The following ASIC2 variants were observed in gnomAD, a reference collection of about 807,000 sequenced individuals.
ASIC2 encodes acid-sensing ion channel 2.
ASIC2 carries 25 observed loss-of-function variants against 57.3 expected under a neutral mutation model. The observed-to-expected ratio is 0.44, with a 90% confidence interval of 0.32 to 0.61. ASIC2 has a LOEUF of 0.61. Among genes scored for constraint, ASIC2 ranks in the 20% least tolerant of loss-of-function variants. The pLI is 0.06. For missense variants in ASIC2, 641 were observed against 738.1 expected (o/e 0.87, Z 1.52); for synonymous variants, 319 against 307.5 (o/e 1.04, Z -0.39).
At chr17:33,609,278 G>A (rs1265528720) in intron 1 of ASIC2, among the ~76,000 whole-genome samples, 3 of 152,132 alleles carry the variant, frequency 2.0e-5, no homozygotes, top group African/African-American at 7.2e-5. Flanking sequence ...GACACTGACG[G>A]CTTCCCAATG....
intron 3 of ASIC2, among the ~76,000 whole-genome samples, chr17:33,065,458 C>T (rs1456222965): frequency 6.6e-6 from 1 of 152,128 alleles, no homozygotes; most frequent in African/African-American, 2.4e-5. Flanking sequence ...TACAGGTGCA[C>T]ACCACCACAT....
chr17:34,069,296 T>C (rs1909296430), intron 1 of ASIC2: 1 of 120,966 alleles, frequency 8.3e-6, no homozygotes, highest in African/African-American at 3.7e-5. Flanking sequence ...CTTTCTTTCC[T>C]TCTTCCTTCC....
At chr17:33,639,322 T>C (rs771263676) in intron 1 of ASIC2, among the ~76,000 whole-genome samples, 38 of 152,214 alleles carry the variant, frequency 2.5e-4, no homozygotes, top group Non-Finnish European at 4.1e-4. Flanking sequence ...CTCTCCTGGG[T>C]CTCTGCAATC....
chr17:33,032,250 T>C (rs555586399), intron 3 of ASIC2, among the ~76,000 whole-genome samples: 1 of 152,296 alleles, frequency 6.6e-6, no homozygotes, highest in South Asian at 2.1e-4. Flanking sequence ...CATTCTGTTT[T>C]CTCCATTGAG....
intron 1 of ASIC2, among the ~76,000 whole-genome samples, chr17:33,942,997 G>A (rs375305044): frequency 6.6e-6 from 1 of 152,114 alleles, no homozygotes; most frequent in Non-Finnish European, 1.5e-5. Context: ...TGTAAGTTCC[G>A]ACCTTTTATC....
chr17:33,116,110 A>G (rs2092279867), intron 1 of ASIC2, among the ~76,000 whole-genome samples: 1 of 152,220 alleles, frequency 6.6e-6, no homozygotes, highest in Non-Finnish European at 1.5e-5. Context: ...GACTGGGGAC[A>G]GTTTACCTTC....
At chr17:33,363,358 C>G (rs1908684668) in intron 1 of ASIC2, among the ~76,000 whole-genome samples, 1 of 152,196 alleles carries the variant, frequency 6.6e-6, no homozygotes, top group South Asian at 2.1e-4. Flanking sequence ...CCTGCAAAAG[C>G]AAGTTCAAGG....
intron 1 of ASIC2, among the ~76,000 whole-genome samples, chr17:33,620,827 T>C (rs1905769251): frequency 6.6e-6 from 1 of 152,122 alleles, no homozygotes; most frequent in African/African-American, 2.4e-5. Flanking sequence ...CTTTTATCCA[T>C]CTTGTGAATC....
At position 33,259,501 on chromosome 17, in the gene ASIC2, C is replaced by T. The variant is rs531638943; in HGVS notation, c.708+31907G>A. Among the ~76,000 whole-genome samples, 15 of 152,080 alleles carry T rather than the reference C, an allele frequency of 9.9e-5. No individual in the cohort carries two copies. In the South Asian group the frequency reaches 3.1e-3, roughly 32 times the overall value. On this transcript the variant is annotated intron_variant, in intron 1 of 9. Coordinates refer to ENST00000225823, the MANE Select transcript of ASIC2 (RefSeq NM_183377.2). ...CCGCCCATTCCTCAAATGTAGGGCT[C>T]ACCAGACAAGGTGTGCATATCATTG...
intron 1 of ASIC2, among the ~76,000 whole-genome samples, chr17:34,015,368 C>G (rs992789630): frequency 2.0e-5 from 3 of 152,222 alleles, no homozygotes; most frequent in Non-Finnish European, 2.9e-5. Context: ...TAGTTCACAG[C>G]TGAATTCCAC....
intron 1 of ASIC2, among the ~76,000 whole-genome samples, chr17:33,868,737 C>G (rs1914311812): frequency 6.6e-6 from 1 of 152,016 alleles, no homozygotes; most frequent in Non-Finnish European, 1.5e-5. Flanking sequence ...ATAAGGAACT[C>G]TTACAGATCA....
intron 1 of ASIC2, among the ~76,000 whole-genome samples, chr17:33,907,969 GT>G (rs545937720): frequency 6.6e-6 from 1 of 152,154 alleles, no homozygotes; most frequent in African/African-American, 2.4e-5. Flanking sequence ...GTGCAGGGCA[GT>G]TTTTTTCCCT....
intron 2 of ASIC2, among the ~76,000 whole-genome samples, chr17:33,109,596 C>T (rs755320345): frequency 2.6e-5 from 4 of 152,136 alleles, no homozygotes; most frequent in South Asian, 2.1e-4. Flanking sequence ...TCTGGCACCC[C>T]GAGTGAGATA....
chr17:34,019,205 C>A (rs1907071059), intron 1 of ASIC2, among the ~76,000 whole-genome samples: 1 of 151,980 alleles, frequency 6.6e-6, no homozygotes, highest in South Asian at 2.1e-4. Flanking sequence ...CCACGCCTGG[C>A]CAAAGTAGAT....
intron 1 of ASIC2, among the ~76,000 whole-genome samples, chr17:33,750,152 T>G (rs1910384364): frequency 6.6e-6 from 1 of 152,078 alleles, no homozygotes; most frequent in Admixed American, 6.6e-5. Context: ...GCAGGGTCCC[T>G]GAGGGAGAAA....
intron 1 of ASIC2, among the ~76,000 whole-genome samples, chr17:33,243,590 G>T (rs319752): frequency 3.3e-5 from 5 of 152,084 alleles, no homozygotes; most frequent in Non-Finnish European, 7.4e-5. Flanking sequence ...ATCAGTAATT[G>T]TGTGTGGAAT....
chr17:33,404,713 T>C (rs1486410899), intron 1 of ASIC2, among the ~76,000 whole-genome samples: 1 of 152,226 alleles, frequency 6.6e-6, no homozygotes, highest in Non-Finnish European at 1.5e-5. Flanking sequence ...GAGAGCAGAA[T>C]GTTTGCACTT....
chr17:33,296,300 A>G (rs1410731555), upstream of ASIC2, among the ~76,000 whole-genome samples: 1 of 152,122 alleles, frequency 6.6e-6, no homozygotes, highest in Non-Finnish European at 1.5e-5. Flanking sequence ...CACAGCTACC[A>G]GTCAGGAGAG....
chr17:34,124,608 A>AAAC (rs568628443), intron 1 of ASIC2, among the ~76,000 whole-genome samples: 1 of 152,148 alleles, frequency 6.6e-6, no homozygotes, highest in African/African-American at 2.4e-5. Context: ...AAAAATAAAC[A>AAAC]AACAACAACA....
Sources: allele counts gnomAD v4.1 joint callset (sites outside exome capture counted in the v4.1 genomes callset), GRCh38; gene constraint gnomAD v4.1.1; transcripts MANE v1.5; gene names NCBI Gene and HGNC (gene_info 2026-07-23, HGNC 2026-07-21).